Variants in GPC5 observed in about 807,000 individuals in gnomAD.
The protein encoded by GPC5 is glypican 5.
A neutral mutation model predicts 53.9 loss-of-function variants in GPC5; 47 were observed. The observed-to-expected ratio is 0.87, with a 90% CI of 0.69 to 1.11. The LOEUF is 1.11. Among genes scored for constraint, GPC5 ranks in the 50% most tolerant of loss-of-function variants. The probability of loss-of-function intolerance (pLI) is 0.00; values close to 1 mark genes in which losing one functional copy is unlikely to be tolerated. For missense variants in GPC5, 748 were observed against 713.1 expected, an observed-to-expected ratio of 1.05 and a Z score of -0.56; for synonymous variants, 286 against 263.3, an observed-to-expected ratio of 1.09 and a Z score of -0.84.
At chr13:91,906,572 G>A (rs1227319378) in intron 5 of GPC5, among the ~76,000 whole-genome samples, 1 of 152,012 alleles carries the variant, frequency 6.6e-6, no homozygotes, top group Non-Finnish European at 1.5e-5. Context: ...ACATACAAAT[G>A]AATGAGTTAA....
intron 5 of GPC5, among the ~76,000 whole-genome samples, chr13:91,888,659 ATTATTCATG>A (rs1438888655): frequency 6.6e-6 from 1 of 152,120 alleles, no homozygotes; most frequent in Non-Finnish European, 1.5e-5. Context: ...TGGTTTACAG[ATTATTCATG>A]TTACTGCTTT....
At chr13:91,738,015 A>G (rs1016381367) in intron 4 of GPC5, among the ~76,000 whole-genome samples, 1 of 151,442 alleles carries the variant, frequency 6.6e-6, no homozygotes, top group South Asian at 2.1e-4. Context: ...AAAGAAAGGA[A>G]TACAGAGCTG....
chr13:92,792,884 G>A (rs1876515525), intron 7 of GPC5, among the ~76,000 whole-genome samples: 1 of 151,984 alleles, frequency 6.6e-6, no homozygotes, highest in South Asian at 2.1e-4. Context: ...GATTCATAAA[G>A]CAAGTCCTTA....
At chr13:91,948,384 TC>T (rs1418103603) in intron 6 of GPC5, among the ~76,000 whole-genome samples, 3 of 152,234 alleles carry the variant, frequency 2.0e-5, no homozygotes, top group Non-Finnish European at 4.4e-5. Flanking sequence ...AGATATTCAT[TC>T]ATTCATTCAT....
At chr13:91,873,643 C>T (rs529282008) in intron 5 of GPC5, among the ~76,000 whole-genome samples, 1 of 152,110 alleles carries the variant, frequency 6.6e-6, no homozygotes, top group Non-Finnish European at 1.5e-5. Flanking sequence ...ACCTTTAAAC[C>T]TCTTTTTCTG....
intron 2 of GPC5, among the ~76,000 whole-genome samples, chr13:91,688,958 G>A: frequency 6.6e-6 from 1 of 151,260 alleles, no homozygotes. Flanking sequence ...CAGGAGTTTG[G>A]AACCAGCCTG....
chr13:91,874,584 A>G (rs1471726233), intron 5 of GPC5, among the ~76,000 whole-genome samples: 1 of 152,150 alleles, frequency 6.6e-6, no homozygotes, highest in Non-Finnish European at 1.5e-5. Flanking sequence ...TGGTAAATTT[A>G]AATTATTGAG....
intron 6 of GPC5, among the ~76,000 whole-genome samples, chr13:92,099,994 T>G (rs990166978): frequency 1.3e-5 from 2 of 152,126 alleles, no homozygotes; most frequent in Non-Finnish European, 2.9e-5. Context: ...CAAACAGCTG[T>G]GTCGTGAAAT....
At chr13:92,682,723 G>A (rs1594416491) in intron 7 of GPC5, among the ~76,000 whole-genome samples, 1 of 152,182 alleles carries the variant, frequency 6.6e-6, no homozygotes, top group Middle Eastern at 3.4e-3. Flanking sequence ...GTAATTTATC[G>A]GACACGGGTT....
chr13:91,399,096 C>T lies in GPC5; in HGVS notation c.50C>T (p.Ala17Val), dbSNP rs951833430. The change falls in exon 1 of 8, where the codon GCC becomes GTC. Residue 17 changes from alanine to valine, a missense_variant. Physicochemically the swap from Ala to Val is moderately conservative, Grantham distance 64. Transcript: ENST00000377067. ...GGCTTTCGCTGCCTCCTCCTTCTGGCCCTGGTTGGGTCCGCCCGCAGCGAG... is the reference window on the plus strand; with the variant it reads ...GGCTTTCGCTGCCTCCTCCTTCTGGTCCTGGTTGGGTCCGCCCGCAGCGAG... ...PVGFRCLLLL[A>V]LVGSARSEGV... 3 of 1,598,024 alleles carry T rather than the reference C, an allele frequency of 1.9e-6. No individual in the cohort carries two copies. Among genetic ancestry groups the T allele is most frequent in the Non-Finnish European group, 2.6e-6 (3 of 1,172,710 alleles).
At chr13:92,758,188 T>C (rs1222490561) in intron 7 of GPC5, among the ~76,000 whole-genome samples, 1 of 149,776 alleles carries the variant, frequency 6.7e-6, no homozygotes, top group Non-Finnish European at 1.5e-5. Context: ...TGTAGGGACA[T>C]GGATGAAATT....
intron 7 of GPC5, among the ~76,000 whole-genome samples, chr13:92,389,313 G>A (rs1874890067): frequency 6.6e-6 from 1 of 152,046 alleles, no homozygotes; most frequent in Admixed American, 6.6e-5. Flanking sequence ...GGAACAATGA[G>A]TTCTCAAAAC....
Position 91,701,549 on chromosome 13 carries a change from CTGTG to C in GPC5, c.1020+7688_1020+7691del, listed in dbSNP as rs143841432. Among the ~76,000 whole-genome samples the C allele has an allele frequency of 9.8e-4, 145 of 148,512 alleles. 1 individual carries two copies. Among genetic ancestry groups the C allele is most frequent in the African/African-American group, 2.6e-3 (105 of 40,800 alleles). ...CTTTTTAAGGCTTAATAATATTCCA[CTGTG>C]TGTGTGTGTGTGTGTGTGTTTGTGT... On this transcript the variant is annotated intron_variant, in intron 3 of 7. Coordinates refer to ENST00000377067, the MANE Select transcript of GPC5 (RefSeq NM_004466.6).
intron 7 of GPC5, among the ~76,000 whole-genome samples, chr13:92,566,902 T>G (rs1257946839): frequency 1.3e-5 from 2 of 152,126 alleles, no homozygotes; most frequent in Admixed American, 1.3e-4. Flanking sequence ...TTAGGTTTTT[T>G]GCTTTTTTGC....
chr13:91,555,183 C>A (rs1022313906), intron 2 of GPC5, among the ~76,000 whole-genome samples: 1 of 152,056 alleles, frequency 6.6e-6, no homozygotes, highest in Non-Finnish European at 1.5e-5. Context: ...TACAGTATCA[C>A]CACCAGGATA....
Position 92,018,642 on chromosome 13 carries a change from A to G in GPC5, c.1401+110585A>G, listed in dbSNP as rs899005141. 6.6e-5 allele frequency among the ~76,000 whole-genome samples: 10 copies of G among 152,132 alleles called. No homozygotes were observed. The East Asian group carries it at 1.5e-3, about 23-fold the overall frequency. ...TTTAAGAAAAAAGCTCAAATTCTGA[A>G]GAATTCAAAAGATGTCATTAAAAAT... On this transcript the variant is annotated intron_variant, in intron 6 of 7. Transcript: ENST00000377067.
chr13:91,861,445 T>C (rs2039027162), intron 5 of GPC5, among the ~76,000 whole-genome samples: 1 of 152,114 alleles, frequency 6.6e-6, no homozygotes, highest in South Asian at 2.1e-4. Context: ...GAATTGGTTA[T>C]TTCATAATTA....
intron 7 of GPC5, among the ~76,000 whole-genome samples, chr13:92,714,588 T>A (rs1268780012): frequency 6.6e-6 from 1 of 152,208 alleles, no homozygotes; most frequent in Non-Finnish European, 1.5e-5. Flanking sequence ...ATGTTAGATA[T>A]CATCGTTCTC....
chr13:91,821,145 C>A (rs1193575991), intron 5 of GPC5, among the ~76,000 whole-genome samples: 1 of 152,086 alleles, frequency 6.6e-6, no homozygotes, highest in Non-Finnish European at 1.5e-5. Flanking sequence ...AGTTAACTGC[C>A]TTTAATGCTT....
Sources: gnomAD v4.1 joint callset for allele counts (sites outside exome capture counted in the v4.1 genomes callset) on GRCh38, gnomAD v4.1.1 for gene constraint, MANE v1.5 for transcripts, NCBI Gene and HGNC (gene_info 2026-07-23, HGNC 2026-07-21) for gene names.